The following DEGS2 variants were observed in gnomAD, a reference collection of about 807,000 sequenced individuals.
The protein encoded by DEGS2 is delta 4-desaturase, sphingolipid 2.
In DEGS2, 19 loss-of-function variants were observed where a neutral mutation model predicts 23.8. That is an observed-to-expected ratio of 0.80 (90% confidence interval 0.56 to 1.17). DEGS2 has a LOEUF of 1.17. Ranked by LOEUF, DEGS2 falls within the 50% of genes most tolerant of loss-of-function variation. The probability of loss-of-function intolerance (pLI) is 0.00; values close to 1 mark genes in which losing one functional copy is unlikely to be tolerated. For missense variants in DEGS2, 390 were observed against 459.5 expected (o/e 0.85, Z 1.38); for synonymous variants, 218 against 213.7 (o/e 1.02, Z -0.18).
chr14:100,152,085 AAG>A (rs957097744), intron 1 of DEGS2, among the ~76,000 whole-genome samples: 2 of 152,106 alleles, frequency 1.3e-5, no homozygotes, highest in African/African-American at 4.8e-5. Flanking sequence ...CAGGGACAAG[AAG>A]AGAGAGCAGG....
upstream of DEGS2, among the ~76,000 whole-genome samples, chr14:100,160,426 A>G (rs904990841): frequency 6.6e-6 from 1 of 152,210 alleles, no homozygotes; most frequent in African/African-American, 2.4e-5. Flanking sequence ...CATTGGTGCT[A>G]GGGGGAACAG....
Position 100,149,092 on chromosome 14 carries a change from T to A in DEGS2, c.701A>T (p.Tyr234Phe). ...PISGHFVAEHYMFLKGHETYS... is the reference protein window; with the variant it reads ...PISGHFVAEHFMFLKGHETYS... The stretch of plus-strand genomic sequence containing the variant: ...GGTCTCGTGGCCCTTGAGGAACATG[T>A]AGTGCTCGGCCACGAAGTGGCCCGA... Residue 234 changes from tyrosine (Y) to phenylalanine (F), a missense_variant, in exon 2 of 3, where the codon TAC (tyrosine) becomes TTC (phenylalanine). Transcript: ENST00000305631. 6.2e-7 allele frequency: 1 copy of A among 1,612,728 alleles called. No homozygotes were observed. The highest frequency in any genetic ancestry group is 8.5e-7 in the Non-Finnish European group (1 of 1,179,870).
chr14:100,150,188 C>T (rs967150394), intron 1 of DEGS2, among the ~76,000 whole-genome samples: 7 of 152,202 alleles, frequency 4.6e-5, no homozygotes, highest in African/African-American at 1.7e-4. Context: ...AGCTCCCACT[C>T]AGGAAGGCTC....
chr14:100,152,590 C>T (rs1244219795), intron 1 of DEGS2, among the ~76,000 whole-genome samples: 1 of 152,212 alleles, frequency 6.6e-6, no homozygotes, highest in Non-Finnish European at 1.5e-5. Context: ...CCCACCACTT[C>T]CCTCTCTTGG....
the DEGS2 span, among the ~76,000 whole-genome samples, chr14:100,166,468 C>T: frequency 6.6e-6 from 1 of 151,946 alleles, no homozygotes; most frequent in African/African-American, 2.4e-5. Flanking sequence ...CCCTCAGGAC[C>T]AGGGGCACAA....
At chr14:100,147,917 G>A (rs11621285) in intron 2 of DEGS2, among the ~76,000 whole-genome samples, 40,249 of 151,898 alleles carry the variant, frequency 0.26, 5,951 homozygotes, top group East Asian at 0.38. Context: ...CCTCTCCCCC[G>A]TGCCTCTGCC....
chr14:100,146,532 C>T lies in DEGS2; in HGVS notation c.*229G>A. Reference sequence around the variant, plus strand: ...ATGGTGGGGCAGGGCCAGGCCTCACCTGGGGAGGCCCAGAAAGGGAGGGCC... The same window carrying T: ...ATGGTGGGGCAGGGCCAGGCCTCACTTGGGGAGGCCCAGAAAGGGAGGGCC... On this transcript the variant is annotated 3_prime_UTR_variant, in exon 3 of 3. Coordinates refer to ENST00000305631, the MANE Select transcript of DEGS2 (RefSeq NM_206918.3). 3.5e-6 allele frequency: 2 copies of T among 576,032 alleles called. No homozygotes were observed. Among genetic ancestry groups the T allele is most frequent in the Non-Finnish European group, 5.9e-6 (2 of 337,382 alleles). 35.7% of individuals were successfully genotyped at this position (576,032 alleles called of 1,614,324 possible).
intron 1 of DEGS2, among the ~76,000 whole-genome samples, chr14:100,154,027 C>T (rs186551833): frequency 8.5e-5 from 13 of 152,238 alleles, no homozygotes; most frequent in Non-Finnish European, 1.8e-4. Flanking sequence ...TCCATCAGCA[C>T]CGATCTAGTG....
At position 100,146,325 on chromosome 14, in the gene DEGS2, G is replaced by C. The variant is rs1026698476; in HGVS notation, c.*436C>G. The C allele has an allele frequency of 5.7e-6, 1 of 176,256 alleles. No homozygotes were observed. Among genetic ancestry groups the C allele is most frequent in the Non-Finnish European group, 1.2e-5 (1 of 84,104 alleles). The allele number at this position is 176,256 out of a possible 1,614,324, so 10.9% of individuals were successfully genotyped here. ...CTGGCCTGGACGAAGCGGCACTCAG[G>C]CCTCAAGCTCCACTCATCGGGGCGG... On this transcript the variant is annotated 3_prime_UTR_variant, in exon 3 of 3. Coordinates refer to ENST00000305631, the MANE Select transcript of DEGS2 (RefSeq NM_206918.3).
intron 1 of DEGS2, among the ~76,000 whole-genome samples, chr14:100,156,723 T>G (rs1276995406): frequency 6.6e-6 from 1 of 152,102 alleles, no homozygotes; most frequent in Non-Finnish European, 1.5e-5. Context: ...CTGGGCCAGG[T>G]CTGGGAGCAG....
chr14:100,147,013 T>G (rs2140418360), intron 2 of DEGS2, 106 bp from the exon 3 acceptor site: 1 of 1,360,354 alleles, frequency 7.4e-7, no homozygotes, highest in Non-Finnish European at 1.0e-6. Context: ...ACATGCATAT[T>G]CATGTACGAA....
intron 1 of DEGS2, among the ~76,000 whole-genome samples, chr14:100,152,883 T>TGGAA (rs993794132): frequency 1.5e-5 from 2 of 135,870 alleles, no homozygotes; most frequent in African/African-American, 5.5e-5. Context: ...CCTCTTCGAA[T>TGGAA]GGATGGATGG....
chr14:100,155,104 G>C (rs116877549), intron 1 of DEGS2, among the ~76,000 whole-genome samples: 4 of 152,132 alleles, frequency 2.6e-5, no homozygotes, highest in African/African-American at 9.7e-5. Flanking sequence ...CATGGGAGGT[G>C]CCCGTCACTG....
chr14:100,165,900 A>G, the DEGS2 span, among the ~76,000 whole-genome samples: 1 of 99,938 alleles, frequency 1.0e-5, no homozygotes, highest in East Asian at 2.7e-4. Flanking sequence ...GGGGCGAAGG[A>G]GGCCCCCTGA....
chr14:100,152,914 A>G (rs1490845997), intron 1 of DEGS2, among the ~76,000 whole-genome samples: 1 of 151,468 alleles, frequency 6.6e-6, no homozygotes, highest in Admixed American at 6.6e-5. Flanking sequence ...GGAAAGAAGG[A>G]AGGGAGGGAG....
the DEGS2 span, among the ~76,000 whole-genome samples, chr14:100,166,324 GGGCTGT>G: frequency 1.3e-5 from 1 of 79,000 alleles, no homozygotes. Context: ...AGCCTGCCCG[GGGCTGT>G]GGGGGAGCCT....
intron 1 of DEGS2, among the ~76,000 whole-genome samples, chr14:100,150,684 G>A (rs908584000): frequency 2.6e-5 from 4 of 152,134 alleles, no homozygotes; most frequent in African/African-American, 9.7e-5. Context: ...CCTACATGGT[G>A]CGCCCTCAGG....
chr14:100,163,301 C>T (rs551751349), upstream of DEGS2, among the ~76,000 whole-genome samples: 2 of 152,148 alleles, frequency 1.3e-5, no homozygotes, highest in East Asian at 3.9e-4. Context: ...ATTAGCCAGG[C>T]GTGGTGGCAC....
chr14:100,160,567 C>T (rs999038260), upstream of DEGS2, among the ~76,000 whole-genome samples: 2 of 152,236 alleles, frequency 1.3e-5, no homozygotes, highest in African/African-American at 4.8e-5. Flanking sequence ...TCTCCCACTC[C>T]CTTGGAGTTT....
Sources: allele counts gnomAD v4.1 joint callset (sites outside exome capture counted in the v4.1 genomes callset), GRCh38; gene constraint gnomAD v4.1.1; transcripts MANE v1.5; gene names NCBI Gene and HGNC (gene_info 2026-07-23, HGNC 2026-07-21).